The following DOCK7 variants were observed in gnomAD, a reference collection of about 807,000 sequenced individuals.
DOCK7 encodes the protein dedicator of cytokinesis protein 7.
In DOCK7, 138 loss-of-function variants were observed where a neutral mutation model predicts 271.0. The ratio of observed to expected loss-of-function variants is 0.51; its 90% CI spans 0.44 to 0.59. The LOEUF is 0.59. Among genes scored for constraint, DOCK7 ranks in the 20% least tolerant of loss-of-function variants. DOCK7 has a pLI of 0.00. For synonymous variants in DOCK7, 823 were observed against 876.1 expected, an observed-to-expected ratio of 0.94 and a Z score of 1.07; for missense variants, 2,066 against 2,592.4, an observed-to-expected ratio of 0.80 and a Z score of 4.41.
intron 31 of DOCK7, among the ~76,000 whole-genome samples, chr1:62,526,776 A>G (rs1433733801): frequency 6.6e-6 from 1 of 152,258 alleles, no homozygotes; most frequent in East Asian, 1.9e-4. Context: ...CATACACGAC[A>G]TGGATGAACC....
In DOCK7 at chr1:62,476,161, A is replaced by G. The variant is rs2149260255; in HGVS notation, c.5635-5T>C. Reference sequence around the variant, plus strand: ...AAATCTTTCTCCGTAAAATCCCTACAATAAAGAAAAAGAAACATTTTATAT... The same window carrying G: ...AAATCTTTCTCCGTAAAATCCCTACGATAAAGAAAAAGAAACATTTTATAT... On this transcript the variant is annotated splice_region_variant and splice_polypyrimidine_tract_variant and intron_variant, in intron 44 of 49. Transcript: ENST00000635253. 6.2e-7 allele frequency: 1 copy of G among 1,608,554 alleles called. No homozygotes were observed. The highest frequency in any genetic ancestry group is 1.1e-5 in the South Asian group (1 of 90,500).
At chr1:62,533,616 C>G (rs545899538) in intron 29 of DOCK7, among the ~76,000 whole-genome samples, 116 of 152,090 alleles carry the variant, frequency 7.6e-4, no homozygotes, top group Non-Finnish European at 1.3e-3. Flanking sequence ...TCTTCAGGAC[C>G]CTACAGTTCT....
At chr1:62,580,408 G>A (rs532085701) in intron 16 of DOCK7, among the ~76,000 whole-genome samples, 1 of 152,170 alleles carries the variant, frequency 6.6e-6, no homozygotes, top group African/African-American at 2.4e-5. Flanking sequence ...ATGTCAGATG[G>A]CATAGTCATT....
At chr1:62,675,350 C>G (rs1170927267) in intron 1 of DOCK7, among the ~76,000 whole-genome samples, 1 of 152,088 alleles carries the variant, frequency 6.6e-6, no homozygotes, top group Non-Finnish European at 1.5e-5. Flanking sequence ...CAGCAGTGAG[C>G]TATAACGCAC....
chr1:62,612,805 G>A lies in DOCK7; in HGVS notation c.1682+5901C>T, dbSNP rs149834063. On this transcript the variant is annotated intron_variant, in intron 14 of 49. Coordinates refer to ENST00000635253, the MANE Select transcript of DOCK7 (RefSeq NM_001367561.1). The stretch of plus-strand genomic sequence containing the variant: ...CATTGTATTCATTCTTACATTCTTA[G>A]TAACGCACCATGTTTGCTAGATATA... 1.5e-3 allele frequency among the ~76,000 whole-genome samples: 230 copies of A among 152,218 alleles called. 2 individuals are homozygous for A. The highest frequency in any genetic ancestry group is 4.8e-3 in the African/African-American group (199 of 41,544).
chr1:62,540,519 A>G (rs894306620), intron 25 of DOCK7, among the ~76,000 whole-genome samples: 1 of 152,164 alleles, frequency 6.6e-6, no homozygotes, highest in African/African-American at 2.4e-5. Context: ...TAATTTTGCC[A>G]TTCCAAAGCT....
chr1:62,688,278 A>ACGGTGGCTG lies in DOCK7; in HGVS notation c.-15_-14insCAGCCACCG, dbSNP rs1557915293. 1.6e-6 allele frequency: 2 copies of ACGGTGGCTG among 1,275,228 alleles called. No homozygotes were observed. The highest frequency in any genetic ancestry group is 5.0e-5 in the South Asian group (2 of 39,856). The allele number at this position is 1,275,228 out of a possible 1,614,324, so 79.0% of individuals were successfully genotyped here. ...GCGCTCGGCCATGGCTGCTGCGGCG[A>ACGGTGGCTG]CGGCGACGGCGGCGGCGGCTGCGGC... On this transcript the variant is annotated 5_prime_UTR_variant, in exon 1 of 50. Transcript: ENST00000635253.
At chr1:62,468,800 A>G (rs910391846) in intron 48 of DOCK7, among the ~76,000 whole-genome samples, 2 of 152,044 alleles carry the variant, frequency 1.3e-5, no homozygotes, top group African/African-American at 4.8e-5. Flanking sequence ...TCAAGAACTC[A>G]ACCCCTTTTA....
At chr1:62,490,387 T>C (rs1450860179) in intron 41 of DOCK7, among the ~76,000 whole-genome samples, 1 of 152,134 alleles carries the variant, frequency 6.6e-6, no homozygotes, top group African/African-American at 2.4e-5. Context: ...TGTGAGGCAC[T>C]GGGCTTGACC....
intron 22 of DOCK7, among the ~76,000 whole-genome samples, chr1:62,552,408 A>C (rs114537713): frequency 0.011 from 1,659 of 152,322 alleles, 39 homozygotes; most frequent in African/African-American, 0.038. Flanking sequence ...TCTCTTCTAC[A>C]TATCAGTCAC....
intron 9 of DOCK7, among the ~76,000 whole-genome samples, chr1:62,634,214 C>T (rs1280970749): frequency 6.6e-6 from 1 of 151,848 alleles, no homozygotes; most frequent in Admixed American, 6.6e-5. Flanking sequence ...GATCTATATA[C>T]ACTGAAGACT....
rs1652773753 is a variant in DOCK7, at chr1:62,618,787, T to A, written c.1601A>T (p.Tyr534Phe). 6.2e-7 allele frequency: 1 copy of A among 1,613,654 alleles called. No homozygotes were observed. Among genetic ancestry groups the A allele is most frequent in the Non-Finnish European group, 8.5e-7 (1 of 1,179,590 alleles). Residue 534 changes from tyrosine to phenylalanine, a missense_variant, in exon 14 of 50, where the codon TAC (tyrosine) becomes TTC (phenylalanine). This residue lies in a region of DOCK7 where 1,414 missense variants were observed against 1,670.4 expected (regional missense o/e 0.85). Transcript: ENST00000635253. ...LTPELLQVKLYPDSRVRPTRE... is the reference protein window; with the variant it reads ...LTPELLQVKLFPDSRVRPTRE... Reference sequence around the variant, plus strand: ...GGTAGGTCTAACTCTACTGTCAGGGTAAAGCTTCACTTGAAGCAGCTCCGG... The same window carrying A: ...GGTAGGTCTAACTCTACTGTCAGGGAAAAGCTTCACTTGAAGCAGCTCCGG...
intron 31 of DOCK7, among the ~76,000 whole-genome samples, chr1:62,524,199 T>C (rs1644932806): frequency 6.6e-6 from 1 of 152,078 alleles, no homozygotes. Context: ...TTGGCAAAAA[T>C]TTAAAAATCT....
At chr1:62,510,877 T>C in intron 33 of DOCK7, 1 of 434,516 alleles carries the variant, frequency 2.3e-6, no homozygotes, top group Non-Finnish European at 4.0e-6. Context: ...CTATATGCAG[T>C]ATCTTTTCTT....
intron 37 of DOCK7, among the ~76,000 whole-genome samples, 186 bp downstream of exon 37, chr1:62,504,444 A>T (rs1644066403): frequency 6.6e-6 from 1 of 152,210 alleles, no homozygotes; most frequent in Non-Finnish European, 1.5e-5. Flanking sequence ...CGTACACATG[A>T]TATGCACACA....
chr1:62,505,129 TAA>T (rs1646902948), intron 36 of DOCK7, among the ~76,000 whole-genome samples: 1 of 152,206 alleles, frequency 6.6e-6, no homozygotes, highest in Admixed American at 6.5e-5. Context: ...AAATAATACG[TAA>T]GTTATTTTCA....
Position 62,598,765 on chromosome 1 carries a change from T to C in DOCK7, c.1683-12141A>G, listed in dbSNP as rs111414963. 2.4e-4 allele frequency: 394 copies of C among 1,610,210 alleles called. No homozygotes were observed. In the Middle Eastern group the frequency reaches 9.1e-3, roughly 37 times the overall value. ...GACCGTGGAAGACCAATATAAACAATTAAACCAACAGCATAGTCAAATAAA... is the reference window on the plus strand; with the variant it reads ...GACCGTGGAAGACCAATATAAACAACTAAACCAACAGCATAGTCAAATAAA... On this transcript the variant is annotated intron_variant, in intron 14 of 49. Coordinates refer to ENST00000635253, the MANE Select transcript of DOCK7 (RefSeq NM_001367561.1).
intron 18 of DOCK7, among the ~76,000 whole-genome samples, chr1:62,575,996 G>A (rs1160618654): frequency 2.0e-5 from 3 of 152,048 alleles, no homozygotes; most frequent in African/African-American, 7.2e-5. Context: ...TCACTGAAAA[G>A]ATGTGTCCCT....
At chr1:62,632,320 A>G (rs1295754449) in intron 10 of DOCK7, among the ~76,000 whole-genome samples, 2 of 152,236 alleles carry the variant, frequency 1.3e-5, no homozygotes, top group Admixed American at 1.3e-4. Flanking sequence ...AGCTGCTAGT[A>G]TATTTAAGAG....
Sources: allele counts gnomAD v4.1 joint callset (sites outside exome capture counted in the v4.1 genomes callset), GRCh38; gene constraint gnomAD v4.1.1; regional missense constraint gnomAD v4.1.1; transcripts MANE v1.5; gene names NCBI Gene and HGNC (gene_info 2026-07-23, HGNC 2026-07-21).